SOX5: variants seen among roughly 807,000 people sequenced by gnomAD.
SOX5 encodes the protein SRY-box transcription factor 5.
A neutral mutation model predicts 92.0 loss-of-function variants in SOX5; 9 were observed. The ratio of observed to expected loss-of-function variants is 0.10; its 90% confidence interval spans 0.06 to 0.17. The LOEUF (loss-of-function observed/expected upper bound fraction) is 0.17. Among genes scored for constraint, SOX5 ranks in the 10% least tolerant of loss-of-function variants. The pLI, the probability that SOX5 is intolerant of heterozygous loss-of-function variation, is 1.00. For missense variants in SOX5, 642 were observed against 944.5 expected, an observed-to-expected ratio of 0.68 and a Z score of 4.20; for synonymous variants, 344 against 336.3, an observed-to-expected ratio of 1.02 and a Z score of -0.25.
intron 4 of SOX5, among the ~76,000 whole-genome samples, chr12:24,151,787 G>T (rs188040373): frequency 1.9e-4 from 29 of 152,014 alleles, no homozygotes. Context: ...TTTTAATTAG[G>T]ACTGCAGAAA....
intron 8 of SOX5, among the ~76,000 whole-genome samples, chr12:23,613,015 A>T (rs977426497): frequency 2.0e-5 from 3 of 152,126 alleles, no homozygotes; most frequent in Non-Finnish European, 2.9e-5. Context: ...TTTTCACATT[A>T]TCATAGAAAA....
intron 1 of SOX5, among the ~76,000 whole-genome samples, chr12:24,401,658 C>T (rs1961646611): frequency 7.8e-6 from 1 of 128,012 alleles, no homozygotes; most frequent in South Asian, 2.6e-4. Flanking sequence ...TGCAGTGGCA[C>T]AATTGAGCCA....
At chr12:24,544,576 T>C (rs1269384737) in intron 1 of SOX5, among the ~76,000 whole-genome samples, 1 of 152,148 alleles carries the variant, frequency 6.6e-6, no homozygotes, top group African/African-American at 2.4e-5. Context: ...AAATGCTAAG[T>C]CATTATGACC....
At chr12:24,084,325 T>C (rs769332794) in intron 4 of SOX5, among the ~76,000 whole-genome samples, 17 of 151,986 alleles carry the variant, frequency 1.1e-4, no homozygotes, top group Non-Finnish European at 2.4e-4. Flanking sequence ...CAGTCTACTG[T>C]AGAGATGGGA....
intron 4 of SOX5, among the ~76,000 whole-genome samples, chr12:24,063,813 TC>T (rs1940177502): frequency 6.6e-6 from 1 of 152,230 alleles, no homozygotes; most frequent in African/African-American, 2.4e-5. Context: ...ACATACTTGC[TC>T]TGTACGTTTA....
chr12:24,344,940 A>T (rs76541930), intron 2 of SOX5, among the ~76,000 whole-genome samples: 4,712 of 152,268 alleles, frequency 0.031, 73 homozygotes, highest in Middle Eastern at 0.054. Context: ...AACTCATATT[A>T]AAAAAATGTG....
At chr12:23,799,560 G>T (rs950275603) in intron 3 of SOX5, among the ~76,000 whole-genome samples, 1 of 151,968 alleles carries the variant, frequency 6.6e-6, no homozygotes, top group Non-Finnish European at 1.5e-5. Context: ...ACCAATATCC[G>T]AAGTGAAAAC....
At chr12:24,267,685 G>C (rs1311386250) in intron 3 of SOX5, among the ~76,000 whole-genome samples, 1 of 151,940 alleles carries the variant, frequency 6.6e-6, no homozygotes, top group Non-Finnish European at 1.5e-5. Flanking sequence ...TCTAAAGAAA[G>C]ACAAAAAATA....
chr12:23,835,344 G>C (rs1305620536), intron 3 of SOX5, among the ~76,000 whole-genome samples: 10 of 151,812 alleles, frequency 6.6e-5, no homozygotes, highest in Admixed American at 6.6e-4. Flanking sequence ...ATGGATTCTT[G>C]CTTTAGATTT....
intron 7 of SOX5, among the ~76,000 whole-genome samples, chr12:23,642,187 G>A (rs1303903629): frequency 6.6e-6 from 1 of 152,144 alleles, no homozygotes; most frequent in Non-Finnish European, 1.5e-5. Flanking sequence ...GTGCGTGTCT[G>A]AGCATATAAA....
chr12:23,654,962 A>C (rs2082131327), intron 7 of SOX5, among the ~76,000 whole-genome samples: 1 of 152,224 alleles, frequency 6.6e-6, no homozygotes, highest in African/African-American at 2.4e-5. Context: ...ATTTTCAATA[A>C]GAGATTTTTT....
intron 1 of SOX5, among the ~76,000 whole-genome samples, chr12:23,905,342 T>C (rs531095013): frequency 6.6e-6 from 1 of 152,308 alleles, no homozygotes; most frequent in African/African-American, 2.4e-5. Flanking sequence ...CACTAATAAC[T>C]GTAAATCACT....
chr12:23,808,596 A>G (rs2095822297), intron 3 of SOX5, among the ~76,000 whole-genome samples: 1 of 152,204 alleles, frequency 6.6e-6, no homozygotes, highest in Admixed American at 6.5e-5. Context: ...GCATGCATAT[A>G]TACTATAAAA....
chr12:24,001,944 A>G (rs1413464010), intron 4 of SOX5, among the ~76,000 whole-genome samples: 1 of 152,158 alleles, frequency 6.6e-6, no homozygotes, highest in Admixed American at 6.6e-5. Flanking sequence ...AGCCTGGGAG[A>G]CAAAGTGAAG....
At chr12:23,779,785 T>TAA (rs1221503423) in intron 3 of SOX5, among the ~76,000 whole-genome samples, 6 of 85,352 alleles carry the variant, frequency 7.0e-5, no homozygotes, top group South Asian at 4.4e-4. Context: ...TTTCACAGAT[T>TAA]AAAATATATA....
At chr12:23,631,152 G>A (rs12318868) in intron 8 of SOX5, among the ~76,000 whole-genome samples, 19,157 of 151,928 alleles carry the variant, frequency 0.13, 1,278 homozygotes, top group African/African-American at 0.14. Context: ...AACAACAACA[G>A]TAACAAAAAC....
At chr12:23,975,778 TA>T (rs1948825210) in intron 4 of SOX5, among the ~76,000 whole-genome samples, 1 of 152,206 alleles carries the variant, frequency 6.6e-6, no homozygotes, top group Non-Finnish European at 1.5e-5. Context: ...CCCTTGAACA[TA>T]ATATGCACTA....
chr12:24,485,404 T>C (rs1946415886), intron 1 of SOX5, among the ~76,000 whole-genome samples: 2 of 152,164 alleles, frequency 1.3e-5, no homozygotes, highest in African/African-American at 4.8e-5. Flanking sequence ...AAGCACAGAA[T>C]TGTCCAAACA....
At chr12:24,056,541 A>T (rs1158015663) in intron 4 of SOX5, among the ~76,000 whole-genome samples, 1 of 152,168 alleles carries the variant, frequency 6.6e-6, no homozygotes, top group Non-Finnish European at 1.5e-5. Flanking sequence ...AATCTTTCCA[A>T]AGTAATATTC....
Sources: gnomAD v4.1 joint callset for allele counts (sites outside exome capture counted in the v4.1 genomes callset) on GRCh38, gnomAD v4.1.1 for gene constraint, MANE v1.5 for transcripts, NCBI Gene and HGNC (gene_info 2026-07-23, HGNC 2026-07-21) for gene names.